The following BTF3L4 variants were observed in gnomAD, a reference collection of about 807,000 sequenced individuals.
The protein encoded by BTF3L4 is basic transcription factor 3 like 4, also known as transcription factor BTF3 homolog 4.
In BTF3L4, 6 loss-of-function variants were observed where a neutral mutation model predicts 16.8. The ratio of observed to expected loss-of-function variants is 0.36; its 90% confidence interval spans 0.20 to 0.71. The LOEUF is 0.71. Among genes scored for constraint, BTF3L4 ranks in the 30% least tolerant of loss-of-function variants. The pLI is 0.58. For synonymous variants in BTF3L4, 39 were observed against 59.8 expected (o/e 0.65, Z 1.60); for missense variants, 92 against 186.9 (o/e 0.49, Z 2.96).
At chr1:52,064,981 A>C in intron 3 of BTF3L4, 43 bp downstream of exon 3, 1 of 1,191,090 alleles carries the variant, frequency 8.4e-7, no homozygotes, top group South Asian at 1.3e-5. Context: ...GGGTACATGC[A>C]CAAATAATTG....
intron 3 of BTF3L4, among the ~76,000 whole-genome samples, chr1:52,071,917 TTTTG>T (rs1686795401): frequency 6.7e-6 from 1 of 148,586 alleles, no homozygotes; most frequent in African/African-American, 2.5e-5. Flanking sequence ...TGGCTTTTTG[TTTTG>T]TTTTTTACTC....
chr1:52,068,282 T>C (rs981495660), intron 3 of BTF3L4, among the ~76,000 whole-genome samples: 4 of 152,242 alleles, frequency 2.6e-5, no homozygotes, highest in African/African-American at 9.6e-5. Context: ...TACTTAATGA[T>C]AGTCAACGTT....
intron 2 of BTF3L4, 70 bp downstream of exon 2, chr1:52,059,971 G>A: frequency 7.0e-7 from 1 of 1,423,780 alleles, no homozygotes; most frequent in Non-Finnish European, 9.7e-7. Flanking sequence ...TTTCGGATTT[G>A]TGGTCATTGA....
intron 3 of BTF3L4, among the ~76,000 whole-genome samples, chr1:52,074,121 C>T (rs981032334): frequency 2.0e-5 from 3 of 151,544 alleles, no homozygotes; most frequent in African/African-American, 4.8e-5. Flanking sequence ...GCTGTGATCT[C>T]ACCACTGCAC....
chr1:52,075,749 C>G (rs911497414), intron 3 of BTF3L4, among the ~76,000 whole-genome samples: 13 of 151,850 alleles, frequency 8.6e-5, no homozygotes, highest in Non-Finnish European at 1.5e-4. Context: ...CTGCAACCCC[C>G]ACCTCCTGGG....
At chr1:52,080,296 A>G (rs1009827044) in intron 3 of BTF3L4, among the ~76,000 whole-genome samples, 3 of 152,176 alleles carry the variant, frequency 2.0e-5, no homozygotes, top group Non-Finnish European at 2.9e-5. Flanking sequence ...GTCCTTGGGT[A>G]TGTTGCTAAC....
intron 3 of BTF3L4, among the ~76,000 whole-genome samples, chr1:52,075,107 T>A (rs1029117545): frequency 1.3e-5 from 2 of 152,168 alleles, no homozygotes; most frequent in Non-Finnish European, 2.9e-5. Context: ...TTTTATGTCA[T>A]TAAAAAAACT....
intron 3 of BTF3L4, among the ~76,000 whole-genome samples, chr1:52,074,805 G>A (rs751255150): frequency 6.6e-5 from 10 of 152,122 alleles, no homozygotes; most frequent in Middle Eastern, 3.4e-3. Context: ...CACTGCGTCC[G>A]GCTTGTTTTT....
intron 3 of BTF3L4, among the ~76,000 whole-genome samples, chr1:52,070,089 T>C (rs1474090632): frequency 2.6e-5 from 4 of 151,994 alleles, no homozygotes; most frequent in Non-Finnish European, 4.4e-5. Context: ...TGGTGGTGCA[T>C]GCCTGTAATC....
At chr1:52,074,371 T>G (rs1033894734) in intron 3 of BTF3L4, among the ~76,000 whole-genome samples, 1 of 151,496 alleles carries the variant, frequency 6.6e-6, no homozygotes, top group Non-Finnish European at 1.5e-5. Flanking sequence ...CAGCTAATTT[T>G]TTTTTTTTTT....
chr1:52,075,921 T>C (rs575799911), intron 3 of BTF3L4, among the ~76,000 whole-genome samples: 1 of 152,204 alleles, frequency 6.6e-6, no homozygotes, highest in Non-Finnish European at 1.5e-5. Context: ...CGCCTCAGCC[T>C]CCCGAAGCGT....
rs187852469 is a variant in BTF3L4 at position 52,061,861 on chromosome 1, T to G, written c.54+1960T>G. Reference sequence around the variant, plus strand: ...TTCTTCATGTTGGTCAGGATGATCTTGAACTCCTGACCTCAGGTGATCTGC... The same window carrying G: ...TTCTTCATGTTGGTCAGGATGATCTGGAACTCCTGACCTCAGGTGATCTGC... On this transcript the variant is annotated intron_variant, in intron 2 of 5. Transcript: ENST00000313334. Among the ~76,000 whole-genome samples, 534 of 151,946 alleles carry G rather than the reference T, an allele frequency of 3.5e-3. 2 individuals carry two copies. Among genetic ancestry groups the G allele is most frequent in the African/African-American group, 0.012 (507 of 41,480 alleles).
chr1:52,077,535 G>A (rs1241434051), intron 3 of BTF3L4, among the ~76,000 whole-genome samples: 2 of 152,136 alleles, frequency 1.3e-5, no homozygotes, highest in Non-Finnish European at 1.5e-5. Flanking sequence ...TCTAACTTGG[G>A]TGACAGAGCG....
In BTF3L4 at chr1:52,089,829, C is replaced by T. The variant is rs1275444840; in HGVS notation, c.*3071C>T. On this transcript the variant is annotated 3_prime_UTR_variant, in exon 6 of 6. Transcript: ENST00000313334. The stretch of plus-strand genomic sequence containing the variant: ...TAATGGTTTAAGAATATATCAAGCA[C>T]CTTAATTTGTTGTTAAGTAGCTAGT... The T allele has an allele frequency of 6.6e-6, 1 of 152,086 alleles. No homozygotes were observed. The highest frequency in any genetic ancestry group is 2.4e-5 in the African/African-American group (1 of 41,420). The allele number at this position is 152,086 out of a possible 1,614,324, so 9.4% of individuals were successfully genotyped here.
Position 52,090,335 on chromosome 1 carries a change from C to T in BTF3L4, c.*3577C>T, listed in dbSNP as rs1217303960. The T allele has an allele frequency of 2.0e-5, 3 of 152,158 alleles. No individual in the cohort carries two copies. The highest frequency in any genetic ancestry group is 4.4e-5 in the Non-Finnish European group (3 of 68,048). 9.4% of individuals were successfully genotyped at this position (152,158 alleles called of 1,614,324 possible). ...AAGCGTGTTATCTCCTAAGCTATGG[C>T]TTAGATTTTCCGAAGCTCATGGTTC... On this transcript the variant is annotated 3_prime_UTR_variant, in exon 6 of 6. Coordinates refer to ENST00000313334, the MANE Select transcript of BTF3L4 (RefSeq NM_152265.5).
At chr1:52,073,311 A>G (rs1435803116) in intron 3 of BTF3L4, among the ~76,000 whole-genome samples, 1 of 152,148 alleles carries the variant, frequency 6.6e-6, no homozygotes, top group Non-Finnish European at 1.5e-5. Flanking sequence ...CTGTATATCT[A>G]TATAGATAAT....
At chr1:52,085,013 C>CTTTTTT (rs764763479) in intron 4 of BTF3L4, among the ~76,000 whole-genome samples, 14 of 58,514 alleles carry the variant, frequency 2.4e-4, no homozygotes, top group African/African-American at 4.8e-4. Flanking sequence ...TGAAAAAAAT[C>CTTTTTT]TTTTTTTTTT....
chr1:52,075,760 T>C (rs1686916907), intron 3 of BTF3L4, among the ~76,000 whole-genome samples: 1 of 151,738 alleles, frequency 6.6e-6, no homozygotes, highest in Non-Finnish European at 1.5e-5. Flanking sequence ...ACCTCCTGGG[T>C]TCAAGTGATT....
At chr1:52,060,089 A>G (rs530740910) in intron 2 of BTF3L4, among the ~76,000 whole-genome samples, 188 bp downstream of exon 2, 5 of 152,194 alleles carry the variant, frequency 3.3e-5, no homozygotes, top group African/African-American at 1.2e-4. Context: ...TGATGATGCA[A>G]TGGAAATAGC....
Sources: gnomAD v4.1 joint callset for allele counts (sites outside exome capture counted in the v4.1 genomes callset) on GRCh38, gnomAD v4.1.1 for gene constraint, MANE v1.5 for transcripts, NCBI Gene and HGNC (gene_info 2026-07-23, HGNC 2026-07-21) for gene names.